The following DOCK1 variants were observed in gnomAD, a reference collection of about 807,000 sequenced individuals.
DOCK1 encodes dedicator of cytokinesis protein 1.
A neutral mutation model predicts 262.7 loss-of-function variants in DOCK1; 138 were observed. The observed-to-expected ratio is 0.53, with a 90% confidence interval of 0.46 to 0.61. The LOEUF (loss-of-function observed/expected upper bound fraction) is 0.61. DOCK1 is among the 20% of genes least tolerant of loss of function. The pLI, the probability that DOCK1 is intolerant of heterozygous loss-of-function variation, is 0.00. For synonymous variants in DOCK1, 866 were observed against 867.4 expected, an observed-to-expected ratio of 1.00 and a Z score of 0.03; for missense variants, 1,908 against 2,370.7, an observed-to-expected ratio of 0.80 and a Z score of 4.05.
chr10:127,358,552 G>A (rs961535641), intron 32 of DOCK1, among the ~76,000 whole-genome samples: 3 of 152,164 alleles, frequency 2.0e-5, no homozygotes, highest in African/African-American at 4.8e-5. Context: ...ACACTGGAGC[G>A]AGCACTAGAC....
At chr10:127,396,421 T>C (rs1176096458) in intron 38 of DOCK1, among the ~76,000 whole-genome samples, 1 of 152,208 alleles carries the variant, frequency 6.6e-6, no homozygotes, top group African/African-American at 2.4e-5. Flanking sequence ...ACCATGCCAT[T>C]ATTGCTCTCA....
rs989427384 is a variant in DOCK1 at position 126,981,797 on chromosome 10, A to T, written c.172-121A>T. On this transcript the variant is annotated intron_variant, in intron 3 of 51. Transcript: ENST00000623213. ...TTTGTGTTTTCTTTGATATGTTAAGACTTAAAAAATTAAGAGCGATCTAGC... is the reference window on the plus strand; with the variant it reads ...TTTGTGTTTTCTTTGATATGTTAAGTCTTAAAAAATTAAGAGCGATCTAGC... The T allele has an allele frequency of 4.5e-6, 4 of 896,138 alleles. No individual in the cohort carries two copies. The South Asian group carries it at 5.3e-5, about 12-fold the overall frequency. 55.5% of individuals were successfully genotyped at this position (896,138 alleles called of 1,614,324 possible).
chr10:126,966,046 ATCCTCTGTTC>A (rs2037650707), intron 1 of DOCK1, among the ~76,000 whole-genome samples: 2 of 152,104 alleles, frequency 1.3e-5, no homozygotes, highest in African/African-American at 2.4e-5. Context: ...AGGCTCTAGT[ATCCTCTGTTC>A]TCCTTTTTAC....
chr10:126,966,933 T>C (rs890565121), intron 1 of DOCK1, among the ~76,000 whole-genome samples: 2 of 152,156 alleles, frequency 1.3e-5, no homozygotes, highest in African/African-American at 4.8e-5. Flanking sequence ...GGTTGAGAAA[T>C]TCATGTGGAC....
chr10:127,045,500 T>A (rs1314637735), intron 21 of DOCK1, among the ~76,000 whole-genome samples: 23 of 152,206 alleles, frequency 1.5e-4, no homozygotes, highest in Admixed American at 1.4e-3. Flanking sequence ...GTCCTTGTCC[T>A]CTTCTCCTCT....
At chr10:127,129,783 G>A (rs2050197675) in intron 27 of DOCK1, among the ~76,000 whole-genome samples, 1 of 152,194 alleles carries the variant, frequency 6.6e-6, no homozygotes, top group Admixed American at 6.5e-5. Flanking sequence ...CGGACTTAGA[G>A]AGGCTGGGGA....
At chr10:127,164,534 T>C (rs1220304795) in intron 27 of DOCK1, among the ~76,000 whole-genome samples, 1 of 152,200 alleles carries the variant, frequency 6.6e-6, no homozygotes, top group East Asian at 1.9e-4. Context: ...CAGCAACTTG[T>C]ATGCTTCCTT....
intron 11 of DOCK1, among the ~76,000 whole-genome samples, chr10:127,011,290 T>C (rs1212517270): frequency 1.3e-5 from 2 of 152,230 alleles, no homozygotes; most frequent in Admixed American, 1.3e-4. Flanking sequence ...TTTTGCTCCA[T>C]TAAAACTGAT....
intron 31 of DOCK1, among the ~76,000 whole-genome samples, chr10:127,353,124 G>A (rs77409903): frequency 0.085 from 12,919 of 152,072 alleles, 612 homozygotes; most frequent in Middle Eastern, 0.13. Context: ...GGCTGGAAGG[G>A]GACTCACCCA....
chr10:127,364,969 C>T (rs1012190257), intron 33 of DOCK1, among the ~76,000 whole-genome samples: 1 of 152,046 alleles, frequency 6.6e-6, no homozygotes, highest in African/African-American at 2.4e-5. Flanking sequence ...TTCTCTGGCT[C>T]ACTGTCAGTC....
Position 127,178,369 on chromosome 10 carries a change from G to T in DOCK1, c.2847+50605G>T, listed in dbSNP as rs561258676. Among the ~76,000 whole-genome samples the T allele has an allele frequency of 1.6e-3, 243 of 152,350 alleles. 4 individuals are homozygous for T. The highest frequency in any genetic ancestry group is 2.5e-3 in the Non-Finnish European group (171 of 68,032). ...AATCCTGGCACTACTGGTATTTCAGGATGGATCATTTGCTGTTGGAGGGGC... is the reference window on the plus strand; with the variant it reads ...AATCCTGGCACTACTGGTATTTCAGTATGGATCATTTGCTGTTGGAGGGGC... On this transcript the variant is annotated intron_variant, in intron 27 of 51. Transcript: ENST00000623213.
In DOCK1 at chr10:127,300,802, T is replaced by TCTTTG. The variant is rs568900279; in HGVS notation, c.3045-38192_3045-38188dup. Among the ~76,000 whole-genome samples the TCTTTG allele has an allele frequency of 2.5e-3, 377 of 152,270 alleles. 4 individuals are homozygous for TCTTTG. The highest frequency in any genetic ancestry group is 8.3e-3 in the African/African-American group (346 of 41,530). ...TCCTCCCGAGAGCCCCACCTGACTTTCTTTGCTTTGCTTTGCCTCTGTGGC... is the reference window on the plus strand; with the variant it reads ...TCCTCCCGAGAGCCCCACCTGACTTTCTTTGCTTTGCTTTGCTTTGCCTCTGTGGC... On this transcript the variant is annotated intron_variant, in intron 29 of 51. Transcript: ENST00000623213.
At chr10:127,195,012 A>G (rs1157958933) in intron 27 of DOCK1, among the ~76,000 whole-genome samples, 1 of 152,076 alleles carries the variant, frequency 6.6e-6, no homozygotes, top group East Asian at 1.9e-4. Context: ...AGATAAGCAA[A>G]ACGCACCCAT....
rs1299942606 is a variant in DOCK1 at position 126,948,419 on chromosome 10, A to ATGGTGG, written c.47-22272_47-22267dup. ...GTTGGTAGTATTACTGTTGGTGGTG[A>ATGGTGG]TGGTGGTGGTGGTGGTAATACTGCT... On this transcript the variant is annotated intron_variant, in intron 1 of 51. Coordinates refer to ENST00000623213, the MANE Select transcript of DOCK1 (RefSeq NM_001290223.2). 2.2e-4 allele frequency among the ~76,000 whole-genome samples: 9 copies of ATGGTGG among 40,216 alleles called. 3 individuals carry two copies. The highest frequency in any genetic ancestry group is 5.2e-4 in the Non-Finnish European group (9 of 17,406). 26.4% of individuals were successfully genotyped at this position (40,216 alleles called of 152,430 possible).
At chr10:127,419,444 G>A (rs1373841826) in intron 45 of DOCK1, among the ~76,000 whole-genome samples, 2 of 152,198 alleles carry the variant, frequency 1.3e-5, no homozygotes, top group East Asian at 1.9e-4. Context: ...CAAGAACTGG[G>A]GTTGCTGCTG....
chr10:127,076,333 C>G (rs1361823749), intron 23 of DOCK1, among the ~76,000 whole-genome samples: 5 of 152,284 alleles, frequency 3.3e-5, no homozygotes, highest in South Asian at 2.1e-4. Context: ...AACCCCGTCT[C>G]TACTAAAAAT....
At chr10:127,046,906 A>G (rs1297940063) in intron 21 of DOCK1, among the ~76,000 whole-genome samples, 1 of 152,176 alleles carries the variant, frequency 6.6e-6, no homozygotes, top group African/African-American at 2.4e-5. Flanking sequence ...CTGGCTCACA[A>G]CTGAACCAGA....
chr10:127,117,015 G>A (rs573739399), intron 25 of DOCK1, among the ~76,000 whole-genome samples: 1 of 152,060 alleles, frequency 6.6e-6, no homozygotes, highest in African/African-American at 2.4e-5. Flanking sequence ...CCCTCATTCT[G>A]TATATCATTC....
chr10:127,332,885 C>A (rs2063044534), intron 29 of DOCK1, among the ~76,000 whole-genome samples: 1 of 152,156 alleles, frequency 6.6e-6, no homozygotes, highest in Admixed American at 6.5e-5. Context: ...TCTCTCCTTC[C>A]CATGGAACTG....
Sources: allele counts gnomAD v4.1 joint callset (sites outside exome capture counted in the v4.1 genomes callset), GRCh38; gene constraint gnomAD v4.1.1; transcripts MANE v1.5; gene names NCBI Gene and HGNC (gene_info 2026-07-23, HGNC 2026-07-21).